CDH4: variants seen among roughly 807,000 people sequenced by gnomAD.
CDH4 encodes cadherin 4.
Under a neutral mutation model 86.0 loss-of-function variants are expected in CDH4, and 33 were observed. That is an observed-to-expected ratio of 0.38 (90% CI 0.29 to 0.51). CDH4 has a LOEUF of 0.51. CDH4 is among the 20% of genes least tolerant of loss of function. The probability of loss-of-function intolerance (pLI) is 0.86; values close to 1 mark genes in which losing one functional copy is unlikely to be tolerated. For missense variants in CDH4, 1,114 were observed against 1,307.4 expected (o/e 0.85, Z 2.28); for synonymous variants, 555 against 549.4 (o/e 1.01, Z -0.14).
chr20:61,885,156 T>TC (rs1251254543), intron 7 of CDH4, among the ~76,000 whole-genome samples: 3 of 152,120 alleles, frequency 2.0e-5, no homozygotes, highest in African/African-American at 7.2e-5. Flanking sequence ...GCCTGTGCCT[T>TC]GAGAGGGAGC....
chr20:61,589,161 T>C (rs545522661), intron 2 of CDH4, among the ~76,000 whole-genome samples: 20 of 152,354 alleles, frequency 1.3e-4, no homozygotes, highest in African/African-American at 4.6e-4. Context: ...AATGTGTGCA[T>C]AATAGTAAAT....
At chr20:61,574,717 A>T (rs2253065) in intron 2 of CDH4, among the ~76,000 whole-genome samples, 1 of 151,874 alleles carries the variant, frequency 6.6e-6, no homozygotes, top group South Asian at 2.1e-4. Flanking sequence ...GCCTCTCCAC[A>T]GGTTGGGGGA....
chr20:61,654,311 A>G (rs77140189), intron 2 of CDH4, among the ~76,000 whole-genome samples: 1 of 152,210 alleles, frequency 6.6e-6, no homozygotes, highest in Admixed American at 6.5e-5. Context: ...TGCAATCGCA[A>G]GCACTCGGCA....
rs1021882082 is a variant in CDH4, at chr20:61,754,472, C to T, written c.396+10683C>T. On this transcript the variant is annotated intron_variant, in intron 3 of 15. Transcript: ENST00000614565. The surrounding 1 kb of genome is among the most constrained non-coding windows in gnomAD (Gnocchi z 4.7). ...GCTGCTACCCAGGCCCTTCCACTGC[C>T]CCTGCTGTCCCCCTGCCCACTGCAG... is the stretch of plus-strand genomic sequence containing the variant. Among the ~76,000 whole-genome samples the T allele has an allele frequency of 6.6e-6, 1 of 152,170 alleles. No homozygotes were observed. Among genetic ancestry groups the T allele is most frequent in the Non-Finnish European group, 1.5e-5 (1 of 68,022 alleles).
At chr20:61,771,101 C>T (rs1186961431) in intron 3 of CDH4, among the ~76,000 whole-genome samples, 2 of 149,970 alleles carry the variant, frequency 1.3e-5, no homozygotes, top group African/African-American at 4.9e-5. Context: ...ACCTCCACCT[C>T]CCGGGTTCAA....
At chr20:61,907,552 C>G (rs1335622503) in intron 8 of CDH4, among the ~76,000 whole-genome samples, 3 of 152,238 alleles carry the variant, frequency 2.0e-5, no homozygotes, top group Non-Finnish European at 4.4e-5. Flanking sequence ...TGCCATGATG[C>G]CTTGCAGTGC....
chr20:61,526,013 A>G lies in CDH4; in HGVS notation c.170-217550A>G, dbSNP rs901420520. On this transcript the variant is annotated intron_variant, in intron 2 of 15. Transcript: ENST00000614565. ...ATCTCCATTTTACAGAAGAGGAAAC[A>G]GAAGTTCCAAGAAACGAGTTATCTT... 2.0e-5 allele frequency among the ~76,000 whole-genome samples: 3 copies of G among 152,384 alleles called. No individual in the cohort carries two copies. In the East Asian group the frequency reaches 5.8e-4, roughly 29 times the overall value.
At chr20:61,744,097 G>A (rs562975260) in intron 3 of CDH4, among the ~76,000 whole-genome samples, 1 of 152,316 alleles carries the variant, frequency 6.6e-6, no homozygotes, top group East Asian at 1.9e-4. Flanking sequence ...TTCAAACTGG[G>A]CACTGCAAAT....
At position 61,518,523 on chromosome 20, in the gene CDH4, A is replaced by T. The variant is rs1205726958; in HGVS notation, c.170-225040A>T. ...TCATCCATCCATCCGTCCATCTATC[A>T]TCCATCCATCTATCCATCATTCATC... On this transcript the variant is annotated intron_variant, in intron 2 of 15. Transcript: ENST00000614565. This position sits in a 1 kb window ranked among gnomAD's most constrained non-coding sequence, Gnocchi z 6.3. Among the ~76,000 whole-genome samples, 2 of 151,020 alleles carry T rather than the reference A, an allele frequency of 1.3e-5. No homozygotes were observed. Among genetic ancestry groups the T allele is most frequent in the African/African-American group, 4.9e-5 (2 of 40,984 alleles).
chr20:61,465,195 C>T (rs1191727526), intron 2 of CDH4, among the ~76,000 whole-genome samples: 1 of 152,172 alleles, frequency 6.6e-6, no homozygotes, highest in Non-Finnish European at 1.5e-5. Flanking sequence ...AGAGAACTTG[C>T]TGGAGAGATG....
intron 2 of CDH4, among the ~76,000 whole-genome samples, chr20:61,446,146 A>T (rs1373595392): frequency 1.3e-5 from 2 of 152,234 alleles, no homozygotes; most frequent in South Asian, 4.1e-4. Flanking sequence ...TTTTACTAAG[A>T]TGACCTTGGA....
intron 2 of CDH4, among the ~76,000 whole-genome samples, chr20:61,670,210 A>C (rs572426515): frequency 1.1e-3 from 160 of 152,316 alleles, no homozygotes; most frequent in Non-Finnish European, 1.7e-3. Flanking sequence ...AACACCACCA[A>C]CAAGCTCTCG....
At position 61,844,725 on chromosome 20, in the gene CDH4, G is replaced by A. The variant is rs371477278; in HGVS notation, c.634G>A (p.Ala212Thr). The change falls in exon 5 of 16, where the codon GCC becomes ACC. Residue 212 changes from alanine (A) to threonine (T), a missense_variant. Ala to Thr is a moderately conservative substitution (Grantham distance 58, BLOSUM62 0). Coordinates refer to ENST00000614565, the MANE Select transcript of CDH4 (RefSeq NM_001794.5). The stretch of plus-strand genomic sequence containing the variant: ...CCGGTACAGCATCACGGGAGTGGGC[G>A]CCGACCAGCCCCCCATGGAGGTCTT... ...PIRYSITGVG[A>T]DQPPMEVFSI... is the part of the protein sequence containing the mutation. The A allele has an allele frequency of 6.8e-6, 11 of 1,613,828 alleles. No individual in the cohort carries two copies. The highest frequency in any genetic ancestry group is 1.1e-5 in the South Asian group (1 of 91,036).
chr20:61,730,843 G>T (rs2088170935), intron 2 of CDH4, among the ~76,000 whole-genome samples: 1 of 151,774 alleles, frequency 6.6e-6, no homozygotes, highest in Non-Finnish European at 1.5e-5. Context: ...GCTGGGGGCA[G>T]GGCCTGGCTG....
chr20:61,308,221 C>T (rs1422631974), intron 2 of CDH4, among the ~76,000 whole-genome samples: 2 of 152,190 alleles, frequency 1.3e-5, no homozygotes, highest in Non-Finnish European at 2.9e-5. Context: ...TACATTGACA[C>T]ATTTGTACCA....
intron 2 of CDH4, among the ~76,000 whole-genome samples, chr20:61,647,550 TCCCTCTCCCTCTCCCTCTCCCTCCCTCC>T (rs749256539): frequency 1.8e-4 from 19 of 107,908 alleles, no homozygotes; most frequent in East Asian, 1.2e-3. Context: ...CCTCTCCCTC[TCCCTCTCCCTCTCCCTCTCCCTCCCTCC>T]CCCTCTCCTC....
intron 2 of CDH4, 116 bp from the exon 3 acceptor site, chr20:61,743,447 A>ACCTCATGCC: frequency 4.0e-6 from 3 of 747,242 alleles, no homozygotes; most frequent in Non-Finnish European, 6.9e-6. Context: ...ATCAGTGCAA[A>ACCTCATGCC]CCTCATGCCC....
At chr20:61,877,129 G>A (rs562513417) in intron 7 of CDH4, among the ~76,000 whole-genome samples, 22 of 152,266 alleles carry the variant, frequency 1.4e-4, no homozygotes, top group South Asian at 2.1e-4. Context: ...GTCAAGGCCC[G>A]TGATAGGGAC....
chr20:61,677,539 T>C (rs1252905739), intron 2 of CDH4, among the ~76,000 whole-genome samples: 4 of 152,190 alleles, frequency 2.6e-5, no homozygotes, highest in Non-Finnish European at 4.4e-5. Flanking sequence ...CTTTACACTT[T>C]AGATTTTTTT....
Sources: allele counts gnomAD v4.1 joint callset (sites outside exome capture counted in the v4.1 genomes callset), GRCh38; gene constraint gnomAD v4.1.1; non-coding constraint Gnocchi (gnomAD v3.1); transcripts MANE v1.5; gene names NCBI Gene and HGNC (gene_info 2026-07-23, HGNC 2026-07-21).